Variants in MALRD1 observed in about 807,000 individuals in gnomAD.
The protein encoded by MALRD1 is MAM and LDL-receptor class A domain-containing protein 1.
Under a neutral mutation model 242.1 loss-of-function variants are expected in MALRD1, and 247 were observed. The observed-to-expected ratio is 1.02, with a 90% CI of 0.92 to 1.13. MALRD1 has a LOEUF of 1.13. Among genes scored for constraint, MALRD1 ranks in the 50% most tolerant of loss-of-function variants. The pLI, the probability that MALRD1 is intolerant of heterozygous loss-of-function variation, is 0.00. For missense variants in MALRD1, 2,989 were observed against 2,533.1 expected, an observed-to-expected ratio of 1.18 and a Z score of -3.86; for synonymous variants, 995 against 866.6, an observed-to-expected ratio of 1.15 and a Z score of -2.60.
chr10:19,258,896 T>C (rs1839630884), intron 19 of MALRD1, among the ~76,000 whole-genome samples: 1 of 152,162 alleles, frequency 6.6e-6, no homozygotes, highest in African/African-American at 2.4e-5. Flanking sequence ...TCTCAGCAAA[T>C]GACAGTTTCT....
At chr10:19,448,327 A>C (rs1435154786) in intron 28 of MALRD1, among the ~76,000 whole-genome samples, 1 of 152,166 alleles carries the variant, frequency 6.6e-6, no homozygotes, top group African/African-American at 2.4e-5. Flanking sequence ...TTTTGATTAC[A>C]AGCTTTAGAG....
intron 18 of MALRD1, among the ~76,000 whole-genome samples, chr10:19,210,030 C>A (rs1315577978): frequency 6.6e-6 from 1 of 152,098 alleles, no homozygotes; most frequent in African/African-American, 2.4e-5. Flanking sequence ...ACACTGAAAT[C>A]TGTGATTTTG....
intron 33 of MALRD1, among the ~76,000 whole-genome samples, chr10:19,589,010 A>G (rs1243215864): frequency 6.6e-6 from 1 of 152,224 alleles, no homozygotes; most frequent in Non-Finnish European, 1.5e-5. Flanking sequence ...TGCTTGTCAC[A>G]TTACTTGCAC....
intron 36 of MALRD1, among the ~76,000 whole-genome samples, chr10:19,675,817 C>T (rs1051204716): frequency 6.6e-5 from 10 of 152,100 alleles, no homozygotes; most frequent in African/African-American, 2.4e-4. Flanking sequence ...CTTCTAAAAG[C>T]ATATAGCTTG....
At chr10:19,189,799 A>G (rs1414803598) in intron 14 of MALRD1, among the ~76,000 whole-genome samples, 4 of 152,118 alleles carry the variant, frequency 2.6e-5, no homozygotes, top group Non-Finnish European at 5.9e-5. Context: ...AACCAGGAAT[A>G]AAAGGAAACC....
intron 2 of MALRD1, among the ~76,000 whole-genome samples, chr10:19,084,266 T>C (rs895365330): frequency 6.6e-6 from 1 of 151,990 alleles, no homozygotes; most frequent in Non-Finnish European, 1.5e-5. Context: ...TTGAAGAGGT[T>C]TGTATCTAAG....
intron 31 of MALRD1, among the ~76,000 whole-genome samples, chr10:19,510,723 A>G (rs1329888949): frequency 2.6e-5 from 4 of 152,244 alleles, no homozygotes; most frequent in African/African-American, 7.2e-5. Context: ...TTCTTTCTAC[A>G]TAGACACAGT....
intron 28 of MALRD1, among the ~76,000 whole-genome samples, chr10:19,426,820 G>A (rs765082991): frequency 2.0e-4 from 30 of 152,078 alleles, no homozygotes; most frequent in Non-Finnish European, 3.7e-4. Context: ...TTCAGGCTTT[G>A]ATAAATGAAA....
In MALRD1 at chr10:19,150,157, G is replaced by C. The variant is rs150550694; in HGVS notation, c.1558+3813G>C. On this transcript the variant is annotated intron_variant, in intron 11 of 39. Transcript: ENST00000454679. ...TAAAAACACCATTAAATTTGCATACGTGTTTTTGTCTGGACATAAGTGTTT... is the reference window on the plus strand; with the variant it reads ...TAAAAACACCATTAAATTTGCATACCTGTTTTTGTCTGGACATAAGTGTTT... Among the ~76,000 whole-genome samples the C allele has an allele frequency of 2.0e-3, 301 of 152,196 alleles. 3 individuals carry two copies. The highest frequency in any genetic ancestry group is 0.019 in the East Asian group (97 of 5,174).
Position 19,724,468 on chromosome 10 carries a change from C to T in MALRD1, c.6315-6238C>T, listed in dbSNP as rs11011286. On this transcript the variant is annotated intron_variant, in intron 38 of 39. Coordinates refer to ENST00000454679, the MANE Select transcript of MALRD1 (RefSeq NM_001142308.3). ...TCTCAGCAGGAACATTGTGCTGTCA[C>T]TCTGTCCTAGACACTTCAGCATTCG... Among the ~76,000 whole-genome samples, 38 of 152,344 alleles carry T rather than the reference C, an allele frequency of 2.5e-4. 1 individual carries two copies. In the East Asian group the frequency reaches 6.4e-3, roughly 26 times the overall value.
chr10:19,412,795 T>G (rs1833330373), intron 28 of MALRD1, among the ~76,000 whole-genome samples: 2 of 152,164 alleles, frequency 1.3e-5, no homozygotes, highest in African/African-American at 4.8e-5. Context: ...CTTGCCATCT[T>G]TTTCCATGAA....
At chr10:19,249,053 A>G (rs557572298) in intron 18 of MALRD1, among the ~76,000 whole-genome samples, 1 of 148,916 alleles carries the variant, frequency 6.7e-6, no homozygotes, top group African/African-American at 2.4e-5. Context: ...ATATGTGTGT[A>G]TATGTCTCTG....
chr10:19,390,030 G>C (rs1040938758), intron 28 of MALRD1, among the ~76,000 whole-genome samples: 2 of 152,090 alleles, frequency 1.3e-5, no homozygotes, highest in Non-Finnish European at 2.9e-5. Flanking sequence ...TTTTTCAAAG[G>C]TGCCATCTCC....
chr10:19,065,768 G>C (rs1033424364), intron 1 of MALRD1, among the ~76,000 whole-genome samples: 3 of 152,182 alleles, frequency 2.0e-5, no homozygotes, highest in African/African-American at 7.2e-5. Flanking sequence ...CAGAGAAAGA[G>C]TCAGAAATGT....
chr10:19,468,163 T>G (rs941799965), intron 29 of MALRD1, among the ~76,000 whole-genome samples: 2 of 152,228 alleles, frequency 1.3e-5, no homozygotes, highest in Non-Finnish European at 2.9e-5. Context: ...TTCATTTTAG[T>G]TGTTTATTCC....
intron 4 of MALRD1, among the ~76,000 whole-genome samples, chr10:19,099,688 T>C (rs1836177158): frequency 6.6e-6 from 1 of 151,924 alleles, no homozygotes; most frequent in South Asian, 2.1e-4. Context: ...TAGATACTAC[T>C]TTTCCTAAAA....
intron 29 of MALRD1, among the ~76,000 whole-genome samples, chr10:19,456,628 C>G (rs1231135843): frequency 6.6e-6 from 1 of 152,064 alleles, no homozygotes; most frequent in Non-Finnish European, 1.5e-5. Context: ...TTTGAGTGCT[C>G]CGAGTGTTGC....
intron 5 of MALRD1, among the ~76,000 whole-genome samples, chr10:19,113,818 C>CACACACACACACAGACACACACACACAG (rs766418681): frequency 6.8e-6 from 1 of 147,394 alleles, no homozygotes; most frequent in Non-Finnish European, 1.5e-5. Flanking sequence ...CACACACACA[C>CACACACACACACAGACACACACACACAG]ACACACACAC....
At chr10:19,629,360 T>A (rs1464374497) in intron 36 of MALRD1, among the ~76,000 whole-genome samples, 1 of 152,152 alleles carries the variant, frequency 6.6e-6, no homozygotes, top group Non-Finnish European at 1.5e-5. Context: ...ACCTGACTGT[T>A]AAGTAGATAT....
Sources: gnomAD v4.1 joint callset for allele counts (sites outside exome capture counted in the v4.1 genomes callset) on GRCh38, gnomAD v4.1.1 for gene constraint, MANE v1.5 for transcripts, NCBI Gene and HGNC (gene_info 2026-07-23, HGNC 2026-07-21) for gene names.